Variants in SIK3 observed in about 807,000 individuals in gnomAD.
SIK3 encodes serine/threonine-protein kinase SIK3.
SIK3 carries 28 observed loss-of-function variants against 144.2 expected under a neutral mutation model. The ratio of observed to expected loss-of-function variants is 0.19; its 90% confidence interval spans 0.14 to 0.27. SIK3 has a LOEUF of 0.27. Among genes scored for constraint, SIK3 ranks in the 10% least tolerant of loss-of-function variants. The probability of loss-of-function intolerance (pLI) is 1.00; values close to 1 mark genes in which losing one functional copy is unlikely to be tolerated. For missense variants in SIK3, 1,319 were observed against 1,776.0 expected, an observed-to-expected ratio of 0.74 and a Z score of 4.62; for synonymous variants, 686 against 676.3, an observed-to-expected ratio of 1.01 and a Z score of -0.22.
intron 1 of SIK3, among the ~76,000 whole-genome samples, chr11:116,960,548 AAAACC>A (rs1176192398): frequency 1.3e-5 from 2 of 152,170 alleles, no homozygotes; most frequent in Non-Finnish European, 2.9e-5. Context: ...ACAAAACAAA[AAAACC>A]AAAGTGAAGC....
chr11:117,097,486 A>G (rs1402848137), intron 1 of SIK3, among the ~76,000 whole-genome samples: 1 of 144,082 alleles, frequency 6.9e-6, no homozygotes, highest in Non-Finnish European at 1.5e-5. Flanking sequence ...GGACAAGCAA[A>G]GCAATTTCCC....
At chr11:117,049,389 C>A (rs1338789483) in intron 1 of SIK3, among the ~76,000 whole-genome samples, 1 of 151,040 alleles carries the variant, frequency 6.6e-6, no homozygotes, top group African/African-American at 2.4e-5. Context: ...ACCAGCCTGG[C>A]CAACACAGTG....
At chr11:116,910,498 C>A (rs1946282479) in intron 4 of SIK3, among the ~76,000 whole-genome samples, 1 of 151,888 alleles carries the variant, frequency 6.6e-6, no homozygotes, top group East Asian at 1.9e-4. Context: ...ACACACAGAG[C>A]CTCATCATCT....
At chr11:116,969,151 G>A (rs1464147866) in intron 1 of SIK3, among the ~76,000 whole-genome samples, 5 of 151,858 alleles carry the variant, frequency 3.3e-5, no homozygotes, top group Non-Finnish European at 4.4e-5. Flanking sequence ...TTAGCTGGGC[G>A]TAGTGGCAGG....
At chr11:116,962,526 T>C (rs1949386774) in intron 1 of SIK3, among the ~76,000 whole-genome samples, 1 of 152,230 alleles carries the variant, frequency 6.6e-6, no homozygotes, top group African/African-American at 2.4e-5. Context: ...TAGGCAGATA[T>C]CAAACATTTT....
rs143312708 is a variant in SIK3, at chr11:116,987,988, C to T, written c.274-30924G>A. Among the ~76,000 whole-genome samples the T allele has an allele frequency of 9.8e-5, 15 of 152,318 alleles. No individual in the cohort carries two copies. The East Asian group carries it at 2.9e-3, about 29-fold the overall frequency. On this transcript the variant is annotated intron_variant, in intron 1 of 24. Coordinates refer to ENST00000445177, the MANE Select transcript of SIK3 (RefSeq NM_001366686.3). ...CGTTACCTCGACACAGCACCACGTA[C>T]TGTGAGAAGTAGAAAGATCTTTGGA...
At chr11:117,026,049 G>C (rs1951995693) in intron 1 of SIK3, among the ~76,000 whole-genome samples, 1 of 152,164 alleles carries the variant, frequency 6.6e-6, no homozygotes, top group African/African-American at 2.4e-5. Context: ...CCAAGGAATT[G>C]ATGGTCTATC....
intron 1 of SIK3, among the ~76,000 whole-genome samples, chr11:117,052,144 A>G (rs1377639179): frequency 6.6e-6 from 1 of 152,134 alleles, no homozygotes; most frequent in Non-Finnish European, 1.5e-5. Flanking sequence ...TGGGAAAAAA[A>G]AAGAGAAAAA....
At chr11:117,086,211 T>C (rs1954995750) in intron 1 of SIK3, among the ~76,000 whole-genome samples, 1 of 152,156 alleles carries the variant, frequency 6.6e-6, no homozygotes, top group South Asian at 2.1e-4. Context: ...TCTTAACCCA[T>C]AAAGTACAAT....
intron 6 of SIK3, among the ~76,000 whole-genome samples, chr11:116,884,653 T>G (rs1264995814): frequency 6.6e-6 from 1 of 151,846 alleles, no homozygotes; most frequent in Non-Finnish European, 1.5e-5. Flanking sequence ...TATTTTTATT[T>G]TTTAGAGACA....
intron 1 of SIK3, among the ~76,000 whole-genome samples, chr11:117,067,769 T>G (rs542312537): frequency 2.0e-5 from 3 of 151,894 alleles, no homozygotes; most frequent in Non-Finnish European, 2.9e-5. Context: ...GGAGGATCAC[T>G]TGAGGTCAGG....
chr11:117,079,217 C>A (rs1954680613), intron 1 of SIK3, among the ~76,000 whole-genome samples: 1 of 152,006 alleles, frequency 6.6e-6, no homozygotes, highest in African/African-American at 2.4e-5. Context: ...TTGTATAAAG[C>A]TATCATAATT....
At chr11:117,085,722 T>C (rs532210130) in intron 1 of SIK3, among the ~76,000 whole-genome samples, 1 of 152,302 alleles carries the variant, frequency 6.6e-6, no homozygotes, top group Non-Finnish European at 1.5e-5. Context: ...TGGTGGCTCA[T>C]GCCTGTAAGC....
chr11:117,097,351 A>G (rs900073657), intron 1 of SIK3, among the ~76,000 whole-genome samples: 5 of 151,982 alleles, frequency 3.3e-5, no homozygotes, highest in Non-Finnish European at 7.4e-5. Context: ...CGACCCTCCA[A>G]CAACTAAAAA....
Position 116,875,266 on chromosome 11 carries a change from G to A in SIK3, c.1319C>T (p.Pro440Leu), listed in dbSNP as rs1026072944. 5.0e-6 allele frequency: 8 copies of A among 1,613,874 alleles called. No homozygotes were observed. Among genetic ancestry groups the A allele is most frequent in the Admixed American group, 3.3e-5 (2 of 59,992 alleles). ...LINPENQIVE[P>L]DGTLNLDSDE... is the part of the protein sequence containing the mutation. ...ACTGTCCAAATTCAGTGTCCCATCC[G>A]GCTGAGGTGGAGGGAAACACCATCG... Residue 440 changes from proline (P) to leucine (L), a missense_variant and splice_region_variant, in exon 11 of 25, where the codon CCG becomes CTG. Pro to Leu is a moderately conservative substitution (Grantham distance 98). Around this residue, in one of 8 missense-constraint regions of SIK3, gnomAD observed 167 missense variants for 263.3 expected, o/e 0.63. Coordinates refer to ENST00000445177, the MANE Select transcript of SIK3 (RefSeq NM_001366686.3).
At chr11:117,038,926 T>C (rs1952627214) in intron 1 of SIK3, among the ~76,000 whole-genome samples, 1 of 151,792 alleles carries the variant, frequency 6.6e-6, no homozygotes, top group Non-Finnish European at 1.5e-5. Context: ...GGTGTGTGCC[T>C]CTAATCCCAG....
intron 1 of SIK3, among the ~76,000 whole-genome samples, chr11:117,023,827 C>T (rs1759582760): frequency 6.6e-6 from 1 of 151,590 alleles, no homozygotes; most frequent in Admixed American, 6.6e-5. Context: ...CAGATGTGCG[C>T]CACCGTGGCA....
chr11:117,070,758 T>C (rs868697828), intron 1 of SIK3, among the ~76,000 whole-genome samples: 2 of 140,468 alleles, frequency 1.4e-5, no homozygotes, highest in African/African-American at 2.6e-5. Context: ...TTTTCTTTTT[T>C]TTTTTTTTTT....
At chr11:117,058,261 C>A (rs892105334) in intron 1 of SIK3, among the ~76,000 whole-genome samples, 1 of 152,150 alleles carries the variant, frequency 6.6e-6, no homozygotes, top group African/African-American at 2.4e-5. Flanking sequence ...GTGGCTCACA[C>A]CTGTAATCCC....
Sources: allele counts gnomAD v4.1 joint callset (sites outside exome capture counted in the v4.1 genomes callset), GRCh38; gene constraint gnomAD v4.1.1; regional missense constraint gnomAD v4.1.1; transcripts MANE v1.5; gene names NCBI Gene and HGNC (gene_info 2026-07-23, HGNC 2026-07-21).